Variants in HSPG2 observed in about 807,000 individuals in gnomAD.
HSPG2 encodes heparan sulfate proteoglycan 2.
In HSPG2, 278 loss-of-function variants were observed where a neutral mutation model predicts 526.6. The observed-to-expected ratio is 0.53, with a 90% CI of 0.48 to 0.58. The LOEUF is 0.58. Among genes scored for constraint, HSPG2 ranks in the 20% least tolerant of loss-of-function variants. HSPG2 has a pLI of 0.00. For synonymous variants in HSPG2, 2,465 were observed against 2,555.4 expected, an observed-to-expected ratio of 0.96 and a Z score of 1.07; for missense variants, 5,354 against 6,099.5, an observed-to-expected ratio of 0.88 and a Z score of 4.07.
At chr1:21,829,826 T>G in intron 86 of HSPG2, 167 bp downstream of exon 86, 2 of 739,966 alleles carry the variant, frequency 2.7e-6, no homozygotes, top group Non-Finnish European at 4.6e-6. Flanking sequence ...GGGCCCTCAC[T>G]CAATAAGGGG....
At chr1:21,905,480 G>A (rs546432223) in intron 1 of HSPG2, among the ~76,000 whole-genome samples, 4 of 152,144 alleles carry the variant, frequency 2.6e-5, no homozygotes, top group Non-Finnish European at 5.9e-5. Flanking sequence ...GGTGCCTCAC[G>A]CCTATAATCC....
In HSPG2 at chr1:21,829,617, C is replaced by T. The variant is rs1299010769; in HGVS notation, c.11771-13G>A. ...GTCACTGTCACACCTGCAGCAGCCA[C>T]AGCTCAGCTGAGGCAGTGGGGATCC... On this transcript the variant is annotated splice_polypyrimidine_tract_variant and intron_variant, in intron 86 of 96. Transcript: ENST00000374695. 1 of 1,599,036 alleles carries T rather than the reference C, an allele frequency of 6.3e-7. No individual in the cohort carries two copies. The highest frequency in any genetic ancestry group is 1.7e-5 in the Admixed American group (1 of 59,638).
rs770388964 is a variant in HSPG2 at position 21,839,089 on chromosome 1, A to C, written c.9890-4T>G. ...ACCGTGGTGGCATATGGTGGGCCTG[A>C]GTGGGGGGACACAGAGGTCAGGATT... On this transcript the variant is annotated splice_region_variant and splice_polypyrimidine_tract_variant and intron_variant, in intron 73 of 96. Transcript: ENST00000374695. The surrounding 1 kb of genome is among the most constrained non-coding windows in gnomAD (Gnocchi z 4.5). 56 of 1,575,736 alleles carry C rather than the reference A, an allele frequency of 3.6e-5. No individual in the cohort carries two copies. The highest frequency in any genetic ancestry group is 4.3e-5 in the Non-Finnish European group (50 of 1,156,324).
chr1:21,841,448 A>G, intron 70 of HSPG2, 91 bp downstream of exon 70: 2 of 1,584,160 alleles, frequency 1.3e-6, no homozygotes. Flanking sequence ...GACAGAGTCA[A>G]TGGTGGAAGG....
At chr1:21,926,761 CAAAAAAAAAA>C (rs57835686) in intron 1 of HSPG2, among the ~76,000 whole-genome samples, 37 of 55,854 alleles carry the variant, frequency 6.6e-4, no homozygotes, top group Non-Finnish European at 8.9e-4. Context: ...GACTCAGTCT[CAAAAAAAAAA>C]AAAAAAAAAA....
chr1:21,910,311 C>G (rs1024858656), intron 1 of HSPG2, among the ~76,000 whole-genome samples: 18 of 152,208 alleles, frequency 1.2e-4, no homozygotes, highest in African/African-American at 4.3e-4. Context: ...GTGGCTGCAT[C>G]CTGTACTGTT....
intron 1 of HSPG2, among the ~76,000 whole-genome samples, chr1:21,907,851 A>G (rs1643458814): frequency 6.6e-6 from 1 of 152,182 alleles, no homozygotes; most frequent in Non-Finnish European, 1.5e-5. Flanking sequence ...TCTCACCTAC[A>G]TAAATATCTG....
intron 1 of HSPG2, among the ~76,000 whole-genome samples, chr1:21,896,820 T>G (rs1365725590): frequency 6.6e-6 from 1 of 152,168 alleles, no homozygotes; most frequent in African/African-American, 2.4e-5. Context: ...TGGCTCCTCT[T>G]CCTGCCTCAC....
intron 90 of HSPG2, 30 bp from the exon 91 acceptor site, chr1:21,827,949 G>A (rs2097983913): frequency 6.2e-7 from 1 of 1,608,072 alleles, no homozygotes; most frequent in East Asian, 2.2e-5. Context: ...CCAGTTGGTG[G>A]GCATAGACAC....
intron 1 of HSPG2, among the ~76,000 whole-genome samples, chr1:21,906,583 C>T (rs1194158140): frequency 6.6e-6 from 1 of 152,142 alleles, no homozygotes; most frequent in Non-Finnish European, 1.5e-5. Context: ...CCCATGTCTG[C>T]TTTCTTCATG....
At chr1:21,908,320 GTT>G in intron 1 of HSPG2, 1 of 990,360 alleles carries the variant, frequency 1.0e-6, no homozygotes, top group Admixed American at 1.7e-5. Context: ...TGCTAGCATT[GTT>G]GTAAACAAAC....
chr1:21,851,674 G>A lies in HSPG2; in HGVS notation c.7030C>T (p.Arg2344Cys), dbSNP rs752260236. The change falls in exon 55 of 97, where the codon CGC becomes TGC. Residue 2344 changes from arginine to cysteine, a missense_variant. Coordinates refer to ENST00000374695, the MANE Select transcript of HSPG2 (RefSeq NM_005529.7). ...AYPAGSTQPI[R>C]IEPSSSQVAE... Reference sequence around the variant, plus strand: ...ACTTGCGAGGAGGAGGGCTCGATGCGGATGGGCTGGGTGCTGCCGGCAGCT... The same window carrying A: ...ACTTGCGAGGAGGAGGGCTCGATGCAGATGGGCTGGGTGCTGCCGGCAGCT... 1.3e-5 allele frequency: 21 copies of A among 1,613,864 alleles called. No homozygotes were observed. The highest frequency in any genetic ancestry group is 6.7e-5 in the Admixed American group (4 of 60,010).
At chr1:21,894,121 T>A (rs562111495) in intron 3 of HSPG2, among the ~76,000 whole-genome samples, 1 of 148,916 alleles carries the variant, frequency 6.7e-6, no homozygotes, top group Non-Finnish European at 1.5e-5. Flanking sequence ...GGTCAGAACA[T>A]GGAAAGAAAC....
rs1641088518 is a variant in HSPG2 at position 21,876,623 on chromosome 1, T to C, written c.2715A>G (p.Glu905=). 4 of 1,614,048 alleles carry C rather than the reference T, an allele frequency of 2.5e-6. No homozygotes were observed. The highest frequency in any genetic ancestry group is 2.7e-5 in the African/African-American group (2 of 74,924). The change falls in exon 22 of 97, where the codon GAA becomes GAG. Residue 905 remains glutamate, a synonymous_variant. Coordinates refer to ENST00000374695, the MANE Select transcript of HSPG2 (RefSeq NM_005529.7). ...TCAGGTGGAAAGAGCCGTCAGCACA[T>C]TCATTGCACAAGCGCCCCACCACAT... The part of the protein sequence containing the change: ...KNNVVGRLCN[E]CADGSFHLST...
intron 1 of HSPG2, among the ~76,000 whole-genome samples, chr1:21,910,260 C>A (rs1194752125): frequency 1.3e-5 from 2 of 152,214 alleles, no homozygotes; most frequent in African/African-American, 4.8e-5. Flanking sequence ...AGGCCTTGCC[C>A]TCCGTAAGAC....
At chr1:21,908,802 A>G (rs940766998) in intron 1 of HSPG2, among the ~76,000 whole-genome samples, 3 of 152,204 alleles carry the variant, frequency 2.0e-5, no homozygotes, top group African/African-American at 7.2e-5. Context: ...TCCCACCTGC[A>G]AAAGGAACAG....
chr1:21,857,196 C>T lies in HSPG2; in HGVS notation c.5395-1G>A, dbSNP rs1273971721. 6.2e-7 allele frequency: 1 copy of T among 1,614,108 alleles called. No individual in the cohort carries two copies. The highest frequency in any genetic ancestry group is 1.7e-5 in the Admixed American group (1 of 60,014). On this transcript the variant is annotated splice_acceptor_variant, in intron 43 of 96. Transcript: ENST00000374695. LOFTEE classifies it high-confidence loss of function. ...TCCACACCAGGGTATAGGCTGGGGA[C>T]TGCAGGGCAAGGCGAAAGGGGGTCA...
intron 17 of HSPG2, among the ~76,000 whole-genome samples, chr1:21,879,364 C>T (rs1357261747): frequency 1.3e-5 from 2 of 152,200 alleles, no homozygotes; most frequent in Admixed American, 6.5e-5. Flanking sequence ...CACCCTCTTC[C>T]AATCTGCACC....
In HSPG2 at chr1:21,822,605, C is replaced by T; in HGVS notation, c.*711G>A. The T allele has an allele frequency of 4.3e-6, 1 of 231,104 alleles. No homozygotes were observed. The highest frequency in any genetic ancestry group is 7.0e-5 in the South Asian group (1 of 14,272). 14.3% of individuals were successfully genotyped at this position (231,104 alleles called of 1,614,324 possible). A position where few individuals can be genotyped will look rare whatever the true frequency, so the allele number is the denominator to read the frequency against. ...GGGGCCCTATCAGTGCTGGGCTCTGCCTGTAGCAGCTCCTGGTAAGAGTTG... is the reference window on the plus strand; with the variant it reads ...GGGGCCCTATCAGTGCTGGGCTCTGTCTGTAGCAGCTCCTGGTAAGAGTTG... On this transcript the variant is annotated 3_prime_UTR_variant, in exon 97 of 97. Coordinates refer to ENST00000374695, the MANE Select transcript of HSPG2 (RefSeq NM_005529.7).
Sources: gnomAD v4.1 joint callset for allele counts (sites outside exome capture counted in the v4.1 genomes callset) on GRCh38, gnomAD v4.1.1 for gene constraint, Gnocchi (gnomAD v3.1) non-coding constraint, MANE v1.5 for transcripts, NCBI Gene and HGNC (gene_info 2026-07-23, HGNC 2026-07-21) for gene names.